The following FAM171A1 variants were observed in gnomAD, a reference collection of about 807,000 sequenced individuals.
FAM171A1 encodes protein FAM171A1.
Under a neutral mutation model 74.9 loss-of-function variants are expected in FAM171A1, and 23 were observed. That is an observed-to-expected ratio of 0.31 (90% confidence interval 0.22 to 0.44). The LOEUF is 0.44. FAM171A1 is among the 20% of genes least tolerant of loss of function. The probability of loss-of-function intolerance (pLI) is 1.00; values close to 1 mark genes in which losing one functional copy is unlikely to be tolerated. For missense variants in FAM171A1, 1,162 were observed against 1,159.2 expected (o/e 1.00, Z -0.03); for synonymous variants, 527 against 505.7 (o/e 1.04, Z -0.57).
At chr10:15,237,279 C>A (rs45627336) in intron 5 of FAM171A1, among the ~76,000 whole-genome samples, 7,744 of 152,094 alleles carry the variant, frequency 0.051, 257 homozygotes, top group East Asian at 0.19. Flanking sequence ...CGTTAAGAGA[C>A]CTAAGTCCCT....
chr10:15,236,464 A>G (rs1834291944), intron 5 of FAM171A1, among the ~76,000 whole-genome samples: 1 of 151,948 alleles, frequency 6.6e-6, no homozygotes, highest in African/African-American at 2.4e-5. Flanking sequence ...CATTTTATAG[A>G]GGAGAAAACT....
intron 1 of FAM171A1, among the ~76,000 whole-genome samples, chr10:15,358,772 T>G (rs1280710778): frequency 6.6e-6 from 1 of 152,208 alleles, no homozygotes; most frequent in Non-Finnish European, 1.5e-5. Context: ...ACATGGGGTG[T>G]TTTCATCTTT....
intron 1 of FAM171A1, among the ~76,000 whole-genome samples, chr10:15,291,914 C>T (rs1425427350): frequency 6.6e-6 from 1 of 152,170 alleles, no homozygotes; most frequent in Non-Finnish European, 1.5e-5. Context: ...CTATCACTGT[C>T]ACTCTTTTTT....
At chr10:15,286,534 G>A (rs182415911) in intron 1 of FAM171A1, among the ~76,000 whole-genome samples, 2 of 152,112 alleles carry the variant, frequency 1.3e-5, no homozygotes, top group East Asian at 3.9e-4. Context: ...CACCCACCTC[G>A]GGCTCCCAAA....
chr10:15,312,754 G>C (rs1379993081), intron 1 of FAM171A1, among the ~76,000 whole-genome samples: 1 of 124,638 alleles, frequency 8.0e-6, no homozygotes, highest in East Asian at 2.5e-4. Context: ...CTGGAGTGCA[G>C]TGGTGCAATC....
chr10:15,298,296 G>A (rs190647167), intron 1 of FAM171A1, among the ~76,000 whole-genome samples: 18 of 152,064 alleles, frequency 1.2e-4, no homozygotes, highest in Admixed American at 5.2e-4. Flanking sequence ...CACCACACCC[G>A]GCTAATTTTG....
intron 5 of FAM171A1, among the ~76,000 whole-genome samples, chr10:15,232,399 G>T (rs926444022): frequency 6.6e-5 from 10 of 152,124 alleles, no homozygotes; most frequent in Non-Finnish European, 1.5e-4. Flanking sequence ...CCTTCTTCTA[G>T]AACAACAGCT....
chr10:15,215,949 A>G (rs760073820), intron 7 of FAM171A1, 47 bp downstream of exon 7: 2 of 1,317,564 alleles, frequency 1.5e-6, no homozygotes, highest in East Asian at 2.4e-5. Flanking sequence ...CAATTGCCCA[A>G]GAAACTGTGA....
rs747479753 is a variant in FAM171A1 at position 15,213,124 on chromosome 10, G to A, written c.2464C>T (p.Arg822Trp). The A allele has an allele frequency of 1.9e-6, 3 of 1,613,882 alleles. No individual in the cohort carries two copies. Among genetic ancestry groups the A allele is most frequent in the East Asian group, 2.2e-5 (1 of 44,838 alleles). Residue 822 changes from arginine (R) to tryptophan (W), a missense_variant, in exon 8 of 8, where the codon CGG becomes TGG. By Grantham distance (101) the Arg-to-Trp change is moderately radical. Coordinates refer to ENST00000378116, the MANE Select transcript of FAM171A1 (RefSeq NM_001010924.2). This position sits in a 1 kb window ranked among gnomAD's most constrained non-coding sequence, Gnocchi z 6.8. ...ALRCLLEGSSRRSGGQLPSLQ... is the reference protein window; with the variant it reads ...ALRCLLEGSSWRSGGQLPSLQ... ...CTGGGCAGCTGGCCACCACTTCTCC[G>A]ACTCGACCCCTCCAACAAGCATCGC...
At chr10:15,364,607 T>C (rs550648617) in intron 1 of FAM171A1, among the ~76,000 whole-genome samples, 4 of 152,286 alleles carry the variant, frequency 2.6e-5, no homozygotes, top group Middle Eastern at 3.4e-3. Flanking sequence ...AACTCAGTGG[T>C]TGGAAACAAC....
rs1166596313 is a variant in FAM171A1 at position 15,371,245 on chromosome 10, C to CGGT, written c.-194_-193insACC. Among the ~76,000 whole-genome samples the CGGT allele has an allele frequency of 7.0e-6, 1 of 142,434 alleles. No homozygotes were observed. The highest frequency in any genetic ancestry group is 2.1e-4 in the East Asian group (1 of 4,712). The allele number at this position is 142,434 out of a possible 152,430, so 93.4% of individuals were successfully genotyped here. On this transcript the variant is annotated 5_prime_UTR_variant, in exon 1 of 8. Coordinates refer to ENST00000378116, the MANE Select transcript of FAM171A1 (RefSeq NM_001010924.2). ...CGCGCCGGGTTTCCCCGAAGAGCCG[C>CGGT]GGCGGCGGCGGCGGCGGCGGCTGCT... is the stretch of plus-strand genomic sequence containing the variant.
chr10:15,284,192 G>GCTCTGT, intron 1 of FAM171A1, 87 bp from the exon 2 acceptor site: 1 of 1,238,190 alleles, frequency 8.1e-7, no homozygotes, highest in South Asian at 1.3e-5. Context: ...GGAAGTGGAA[G>GCTCTGT]GAGGGCTCTG....
At chr10:15,269,662 T>G (rs1043717513) in intron 3 of FAM171A1, among the ~76,000 whole-genome samples, 1 of 152,006 alleles carries the variant, frequency 6.6e-6, no homozygotes, top group African/African-American at 2.4e-5. Context: ...TCTTTAGGAG[T>G]GACCCTGTCC....
chr10:15,321,850 A>C (rs1213876061), intron 1 of FAM171A1, among the ~76,000 whole-genome samples: 1 of 152,214 alleles, frequency 6.6e-6, no homozygotes, highest in Admixed American at 6.5e-5. Flanking sequence ...AAATTCACCT[A>C]ATAGTGGTTT....
At position 15,310,217 on chromosome 10, in the gene FAM171A1, C is replaced by T. The variant is rs757333957; in HGVS notation, c.98-26112G>A. Among the ~76,000 whole-genome samples the T allele has an allele frequency of 5.3e-4, 81 of 152,014 alleles. 1 individual carries two copies. The highest frequency in any genetic ancestry group is 8.5e-4 in the Non-Finnish European group (58 of 68,002). ...GCAGGAATTTGGTGGGTAAGAGGAA[C>T]GAAAAATTTTTTAAAATCCCTAAAC... On this transcript the variant is annotated intron_variant, in intron 1 of 7. Transcript: ENST00000378116.
intron 5 of FAM171A1, among the ~76,000 whole-genome samples, chr10:15,223,019 G>A (rs1281608254): frequency 3.3e-5 from 5 of 152,186 alleles, no homozygotes. Context: ...TGTACAAGGG[G>A]AGCGACAACG....
At chr10:15,234,759 T>C (rs965666225) in intron 5 of FAM171A1, among the ~76,000 whole-genome samples, 4 of 151,982 alleles carry the variant, frequency 2.6e-5, no homozygotes, top group Admixed American at 2.6e-4. Context: ...TTCACGCCAT[T>C]CTCTTGCCTC....
chr10:15,369,199 TTATATATATATTGAATATATATA>T (rs1462059727), intron 1 of FAM171A1, among the ~76,000 whole-genome samples: 11 of 147,518 alleles, frequency 7.5e-5, no homozygotes, highest in African/African-American at 2.0e-4. Context: ...CCTAAACCTG[TTATATATATATTGAATATATATA>T]TATATATATA....
intron 3 of FAM171A1, among the ~76,000 whole-genome samples, chr10:15,256,470 G>C (rs1327322158): frequency 1.3e-5 from 2 of 152,142 alleles, no homozygotes; most frequent in Non-Finnish European, 2.9e-5. Context: ...TCCACTCTGT[G>C]AAATCCAGGC....
Sources: allele counts gnomAD v4.1 joint callset (sites outside exome capture counted in the v4.1 genomes callset), GRCh38; gene constraint gnomAD v4.1.1; non-coding constraint Gnocchi (gnomAD v3.1); transcripts MANE v1.5; gene names NCBI Gene and HGNC (gene_info 2026-07-23, HGNC 2026-07-21).